Variants in LDAF1 observed in about 807,000 individuals in gnomAD.
LDAF1 encodes PROMETHIN.
A neutral mutation model predicts 13.5 loss-of-function variants in LDAF1; 7 were observed. The observed-to-expected ratio is 0.52, with a 90% CI of 0.29 to 0.97. The LOEUF (loss-of-function observed/expected upper bound fraction) is 0.97. Ranked by LOEUF, LDAF1 falls within the 50% of genes least tolerant of loss-of-function variation. The probability of loss-of-function intolerance (pLI) is 0.07; values close to 1 mark genes in which losing one functional copy is unlikely to be tolerated. For synonymous variants in LDAF1, 69 were observed against 77.1 expected (o/e 0.89, Z 0.55); for missense variants, 148 against 193.2 (o/e 0.77, Z 1.39).
At chr16:21,170,264 A>C (rs1465226371) in intron 2 of LDAF1, 173 bp from the exon 3 acceptor site, 1 of 983,014 alleles carries the variant, frequency 1.0e-6, no homozygotes, top group South Asian at 4.7e-5. Flanking sequence ...TGGCCTCCCA[A>C]AGTGTTGGGA....
At chr16:21,160,878 A>G in intron 1 of LDAF1, 1 of 399,380 alleles carries the variant, frequency 2.5e-6, no homozygotes, top group Non-Finnish European at 4.0e-6. Context: ...GCCTTTTAGT[A>G]CATTTTGAGA....
intron 4 of LDAF1, 170 bp from the exon 5 acceptor site, chr16:21,179,305 C>A: frequency 1.0e-6 from 1 of 970,606 alleles, no homozygotes; most frequent in African/African-American, 1.8e-5. Flanking sequence ...GTCATTTTAA[C>A]CTCCTGTGCC....
intron 2 of LDAF1, among the ~76,000 whole-genome samples, chr16:21,164,894 T>C (rs2093009238): frequency 6.6e-6 from 1 of 152,244 alleles, no homozygotes; most frequent in Non-Finnish European, 1.5e-5. Flanking sequence ...GTTAGGTCGT[T>C]CTTTTTTACC....
At chr16:21,177,307 A>G (rs1441097007) in intron 4 of LDAF1, 2 of 150,040 alleles carry the variant, frequency 1.3e-5, no homozygotes, top group African/African-American at 2.5e-5. Context: ...TGGATATTCT[A>G]TGATAGTCCA....
At chr16:21,168,997 A>G (rs2093059623) in intron 2 of LDAF1, among the ~76,000 whole-genome samples, 1 of 139,710 alleles carries the variant, frequency 7.2e-6, no homozygotes, top group Non-Finnish European at 1.5e-5. Context: ...AAACATATAT[A>G]ATTATTATAT....
intron 2 of LDAF1, chr16:21,169,088 A>T: frequency 5.6e-6 from 4 of 713,114 alleles, no homozygotes; most frequent in Non-Finnish European, 6.9e-6. Context: ...AATGCTAATC[A>T]CTTTAATAAT....
chr16:21,176,918 A>G (rs1214795649), intron 4 of LDAF1, among the ~76,000 whole-genome samples: 9 of 151,518 alleles, frequency 5.9e-5, no homozygotes, highest in African/African-American at 2.2e-4. Context: ...AAAAAAAAGA[A>G]TATTAATAAT....
chr16:21,166,720 C>G (rs1226481285), intron 2 of LDAF1: 1 of 761,560 alleles, frequency 1.3e-6, no homozygotes, highest in African/African-American at 1.7e-5. Context: ...CAGGGAGCAT[C>G]AAATAAGGAT....
intron 2 of LDAF1, among the ~76,000 whole-genome samples, chr16:21,168,995 A>G (rs1174073937): frequency 1.4e-5 from 2 of 141,572 alleles, no homozygotes; most frequent in Non-Finnish European, 3.0e-5. Context: ...ATAAACATAT[A>G]TAATTATTAT....
intron 2 of LDAF1, among the ~76,000 whole-genome samples, chr16:21,169,747 C>T (rs567134268): frequency 2.0e-5 from 3 of 152,172 alleles, no homozygotes; most frequent in East Asian, 1.9e-4. Flanking sequence ...ACCTTTATGC[C>T]GAAGAGGTCT....
chr16:21,159,235 A>AC, intron 1 of LDAF1: 3 of 1,158,694 alleles, frequency 2.6e-6, no homozygotes, highest in Non-Finnish European at 2.6e-6. Flanking sequence ...GGGCTTCTTT[A>AC]CCCCCAAATT....
chr16:21,171,544 C>T (rs2093088313), intron 3 of LDAF1, among the ~76,000 whole-genome samples: 1 of 152,024 alleles, frequency 6.6e-6, no homozygotes, highest in Non-Finnish European at 1.5e-5. Flanking sequence ...TGAATGAGTA[C>T]CATAAGAAAG....
intron 4 of LDAF1, among the ~76,000 whole-genome samples, chr16:21,179,120 C>T (rs945448438): frequency 7.9e-5 from 12 of 152,086 alleles, no homozygotes; most frequent in Admixed American, 3.9e-4. Flanking sequence ...TGGTCTTGAA[C>T]GGGCTGCTTG....
At chr16:21,179,343 A>G (rs999550955) in intron 4 of LDAF1, 132 bp from the exon 5 acceptor site, 2 of 1,561,724 alleles carry the variant, frequency 1.3e-6, no homozygotes, top group Non-Finnish European at 8.6e-7. Context: ...TATAATGGAC[A>G]TAGGCCTGGT....
chr16:21,159,317 C>G (rs1174979756), intron 1 of LDAF1: 32 of 1,612,218 alleles, frequency 2.0e-5, no homozygotes, highest in Non-Finnish European at 2.7e-5. Context: ...CGCGGACCCC[C>G]TCTCCACCTG....
In LDAF1 at chr16:21,172,719, T is replaced by C. The variant is rs1170961218; in HGVS notation, c.266-1291T>C. 10 of 385,854 alleles carry C rather than the reference T, an allele frequency of 2.6e-5. No individual in the cohort carries two copies. In the Admixed American group the frequency reaches 6.4e-4, roughly 25 times the overall value. The allele number at this position is 385,854 out of a possible 1,614,324, so 23.9% of individuals were successfully genotyped here. A position where few individuals can be genotyped will look rare whatever the true frequency, so the allele number is the denominator to read the frequency against. On this transcript the variant is annotated intron_variant, in intron 3 of 4. Transcript: ENST00000233047. ...AGGTCTGGAGTGGGGTTTAGAAATC[T>C]GAATTTTTCACGAGCTTCCTTGATG...
intron 2 of LDAF1, among the ~76,000 whole-genome samples, chr16:21,166,657 A>G (rs1364922246): frequency 6.6e-6 from 1 of 152,112 alleles, no homozygotes; most frequent in Non-Finnish European, 1.5e-5. Context: ...TTTCCTGGAG[A>G]GCCCATCTGC....
At chr16:21,158,857 C>T (rs1387487122) in intron 1 of LDAF1, 111 bp downstream of exon 1, 1 of 165,010 alleles carries the variant, frequency 6.1e-6, no homozygotes, top group African/African-American at 2.4e-5. Flanking sequence ...AGCGCGCTAT[C>T]GGGGTCCCAC....
intron 1 of LDAF1, among the ~76,000 whole-genome samples, chr16:21,160,647 TA>T (rs1342483548): frequency 1.3e-5 from 2 of 152,226 alleles, no homozygotes; most frequent in African/African-American, 4.8e-5. Context: ...TTTGTCAAGC[TA>T]AAAAATAAAC....
Sources: gnomAD v4.1 joint callset for allele counts (sites outside exome capture counted in the v4.1 genomes callset) on GRCh38, gnomAD v4.1.1 for gene constraint, MANE v1.5 for transcripts, NCBI Gene and HGNC (gene_info 2026-07-23, HGNC 2026-07-21) for gene names.